The following MAP3K7 variants were observed in gnomAD, a reference collection of about 807,000 sequenced individuals.
MAP3K7 encodes mitogen-activated protein kinase kinase kinase 7.
MAP3K7 carries 21 observed loss-of-function variants against 84.8 expected under a neutral mutation model. The ratio of observed to expected loss-of-function variants is 0.25; its 90% confidence interval spans 0.18 to 0.36. MAP3K7 has a LOEUF of 0.36. MAP3K7 is among the 10% of genes least tolerant of loss of function. MAP3K7 has a pLI of 1.00. For missense variants in MAP3K7, 503 were observed against 747.7 expected (o/e 0.67, Z 3.82); for synonymous variants, 241 against 247.7 (o/e 0.97, Z 0.25).
intron 3 of MAP3K7, among the ~76,000 whole-genome samples, chr6:90,566,757 C>T (rs1156897969): frequency 1.3e-5 from 2 of 152,150 alleles, no homozygotes; most frequent in Non-Finnish European, 2.9e-5. Context: ...ATTGCCAAGA[C>T]AATCCTAAGC....
At chr6:90,520,545 A>T (rs919614682) in intron 14 of MAP3K7, among the ~76,000 whole-genome samples, 2 of 152,068 alleles carry the variant, frequency 1.3e-5, no homozygotes, top group African/African-American at 4.8e-5. Flanking sequence ...GGTAGTTATC[A>T]TTATTATTCA....
chr6:90,579,671 T>C (rs1001095293), intron 1 of MAP3K7, among the ~76,000 whole-genome samples: 1 of 152,242 alleles, frequency 6.6e-6, no homozygotes, highest in Non-Finnish European at 1.5e-5. Flanking sequence ...TTTACAGATA[T>C]TATCTCATTT....
At chr6:90,520,142 C>A (rs1775099545) in intron 14 of MAP3K7, among the ~76,000 whole-genome samples, 1 of 151,922 alleles carries the variant, frequency 6.6e-6, no homozygotes, top group Admixed American at 6.6e-5. Context: ...AACTCTGAAG[C>A]AATACAGACT....
intron 12 of MAP3K7, among the ~76,000 whole-genome samples, chr6:90,544,017 C>G (rs1410970326): frequency 6.6e-6 from 1 of 152,074 alleles, no homozygotes; most frequent in Non-Finnish European, 1.5e-5. Flanking sequence ...AGATACCCTG[C>G]AAAACAGCAC....
chr6:90,522,245 A>G (rs1775175870), intron 14 of MAP3K7, among the ~76,000 whole-genome samples: 1 of 152,144 alleles, frequency 6.6e-6, no homozygotes, highest in South Asian at 2.1e-4. Context: ...GTTGGAAGGT[A>G]GAAGCAACAT....
intron 16 of MAP3K7, among the ~76,000 whole-genome samples, chr6:90,517,415 A>G (rs1289438564): frequency 6.6e-6 from 1 of 151,850 alleles, no homozygotes; most frequent in Non-Finnish European, 1.5e-5. Context: ...AACTAATACT[A>G]CTTCTGAAAG....
chr6:90,527,082 G>C (rs2127959152), intron 13 of MAP3K7, among the ~76,000 whole-genome samples: 1 of 152,248 alleles, frequency 6.6e-6, no homozygotes, highest in East Asian at 1.9e-4. Flanking sequence ...CTTTGCAAAT[G>C]ACTGCAAAGG....
chr6:90,565,872 A>C (rs1776686082), intron 3 of MAP3K7, among the ~76,000 whole-genome samples: 2 of 152,216 alleles, frequency 1.3e-5, no homozygotes, highest in Non-Finnish European at 2.9e-5. Context: ...ACCACGATCA[A>C]GTTGGCCTCA....
intron 16 of MAP3K7, 78 bp from the exon 17 acceptor site, chr6:90,516,759 A>C: frequency 1.7e-6 from 2 of 1,174,110 alleles, no homozygotes; most frequent in Non-Finnish European, 2.4e-6. Context: ...AGCTCAATTA[A>C]TGAGAATTTT....
At chr6:90,542,259 C>G in intron 12 of MAP3K7, 2 of 984,360 alleles carry the variant, frequency 2.0e-6, no homozygotes, top group East Asian at 1.1e-4. Flanking sequence ...CCTATGAGCA[C>G]ATTCATGATT....
intron 1 of MAP3K7, among the ~76,000 whole-genome samples, chr6:90,585,465 T>C (rs1200086341): frequency 6.6e-6 from 1 of 152,206 alleles, no homozygotes; most frequent in Non-Finnish European, 1.5e-5. Flanking sequence ...TCGTTGACAA[T>C]CTATAATATT....
chr6:90,514,633 A>G lies in MAP3K7; in HGVS notation c.*1868T>C, dbSNP rs1429696037. ...TCTCGAATGCTAAATCCTAATGGAA[A>G]CATCAAGCCTTAGCATTCACGCTTG... On this transcript the variant is annotated 3_prime_UTR_variant, in exon 17 of 17. Transcript: ENST00000369329. 6.6e-6 allele frequency: 1 copy of G among 152,082 alleles called. No homozygotes were observed. The highest frequency in any genetic ancestry group is 1.5e-5 in the Non-Finnish European group (1 of 67,970). The allele number at this position is 152,082 out of a possible 1,614,324, so 9.4% of individuals were successfully genotyped here. A position where few individuals can be genotyped will look rare whatever the true frequency, so the allele number is the denominator to read the frequency against.
chr6:90,550,774 G>A, intron 8 of MAP3K7: 1 of 368,990 alleles, frequency 2.7e-6, no homozygotes, highest in Non-Finnish European at 4.9e-6. Flanking sequence ...GAAGAAAACA[G>A]CAAATATTTC....
At chr6:90,583,713 T>C (rs1562115276) in intron 1 of MAP3K7, among the ~76,000 whole-genome samples, 1 of 152,196 alleles carries the variant, frequency 6.6e-6, no homozygotes, top group Non-Finnish European at 1.5e-5. Context: ...TACAAAAATA[T>C]ATTATGGCAG....
Position 90,571,688 on chromosome 6 carries a change from T to G in MAP3K7, c.231+9A>C. 6.6e-7 allele frequency: 1 copy of G among 1,510,666 alleles called. No homozygotes were observed. The highest frequency in any genetic ancestry group is 1.2e-5 in the South Asian group (1 of 81,654). The allele number at this position is 1,510,666 out of a possible 1,614,324, so 93.6% of individuals were successfully genotyped here. A position where few individuals can be genotyped will look rare whatever the true frequency, so the allele number is the denominator to read the frequency against. On this transcript the variant is annotated intron_variant, in intron 2 of 16. Coordinates refer to ENST00000369329, the MANE Select transcript of MAP3K7 (RefSeq NM_145331.3). Reference sequence around the variant, plus strand: ...AGAACTACACAAAAGAAATGAAATCTCAACTTACCTCTACAATAAACGCTT... The same window carrying G: ...AGAACTACACAAAAGAAATGAAATCGCAACTTACCTCTACAATAAACGCTT...
intron 3 of MAP3K7, 79 bp downstream of exon 3, chr6:90,568,478 CA>C (rs1024538981): frequency 2.4e-6 from 3 of 1,236,384 alleles, no homozygotes; most frequent in Admixed American, 5.2e-5. Flanking sequence ...CAAAAAAACC[CA>C]AAAATAGCTA....
chr6:90,552,046 T>C lies in MAP3K7; in HGVS notation c.867+3A>G. On this transcript the variant is annotated splice_donor_region_variant and intron_variant, in intron 8 of 16. Coordinates refer to ENST00000369329, the MANE Select transcript of MAP3K7 (RefSeq NM_145331.3). ...CCAAAGCCCCTCAAAAGAAGGATTATACCCGCATCAAGTGAGTCATTATTT... is the reference window on the plus strand; with the variant it reads ...CCAAAGCCCCTCAAAAGAAGGATTACACCCGCATCAAGTGAGTCATTATTT... The C allele has an allele frequency of 6.2e-7, 1 of 1,608,204 alleles. No individual in the cohort carries two copies. The highest frequency in any genetic ancestry group is 8.5e-7 in the Non-Finnish European group (1 of 1,175,364).
rs997780194 is a variant in MAP3K7, at chr6:90,542,469, T to TA, written c.1291+2082dup. 4 of 985,086 alleles carry TA rather than the reference T, an allele frequency of 4.1e-6. No individual in the cohort carries two copies. In the African/African-American group the frequency reaches 7.0e-5, roughly 17 times the overall value. The allele number at this position is 985,086 out of a possible 1,614,324, so 61.0% of individuals were successfully genotyped here. A position where few individuals can be genotyped will look rare whatever the true frequency, so the allele number is the denominator to read the frequency against. On this transcript the variant is annotated intron_variant, in intron 12 of 16. Coordinates refer to ENST00000369329, the MANE Select transcript of MAP3K7 (RefSeq NM_145331.3). ...AGAGAATTAAGGTTACCTGATTCCA[T>TA]AAAGGCCCAATGTCATAAAAGAGGA...
chr6:90,586,945 C>G lies in MAP3K7; in HGVS notation c.-62G>C. 6 of 1,490,400 alleles carry G rather than the reference C, an allele frequency of 4.0e-6. No homozygotes were observed. The highest frequency in any genetic ancestry group is 3.8e-5 in the South Asian group (3 of 78,552). 92.3% of individuals were successfully genotyped at this position (1,490,400 alleles called of 1,614,324 possible). A position where few individuals can be genotyped will look rare whatever the true frequency, so the allele number is the denominator to read the frequency against. ...CCACCCGGACAATCCGGGTGAGACC[C>G]GCGCCCACCCGCCTCCGGACCGACC... On this transcript the variant is annotated 5_prime_UTR_variant, in exon 1 of 17. Transcript: ENST00000369329.
Sources: allele counts gnomAD v4.1 joint callset (sites outside exome capture counted in the v4.1 genomes callset), GRCh38; gene constraint gnomAD v4.1.1; transcripts MANE v1.5; gene names NCBI Gene and HGNC (gene_info 2026-07-23, HGNC 2026-07-21).